Variants in GRM5 observed in about 807,000 individuals in gnomAD.
GRM5 encodes glutamate metabotropic receptor 5.
GRM5 carries 19 observed loss-of-function variants against 83.1 expected under a neutral mutation model. The observed-to-expected ratio is 0.23, with a 90% CI of 0.16 to 0.34. The LOEUF is 0.34. Ranked by LOEUF, GRM5 falls within the 10% of genes least tolerant of loss-of-function variation. The pLI is 1.00. For missense variants in GRM5, 1,160 were observed against 1,588.3 expected, an observed-to-expected ratio of 0.73 and a Z score of 4.58; for synonymous variants, 675 against 633.6, an observed-to-expected ratio of 1.07 and a Z score of -0.98.
chr11:88,868,790 A>G (rs561157411), intron 2 of GRM5, among the ~76,000 whole-genome samples: 23 of 151,832 alleles, frequency 1.5e-4, no homozygotes, highest in Admixed American at 7.3e-4. Context: ...CCTTGTCTCT[A>G]TTGCCTATGT....
In GRM5 at chr11:88,567,997, A is replaced by T; in HGVS notation, c.1691-5T>A. 6.3e-7 allele frequency: 1 copy of T among 1,585,814 alleles called. No individual in the cohort carries two copies. The highest frequency in any genetic ancestry group is 1.1e-5 in the South Asian group (1 of 89,770). On this transcript the variant is annotated splice_region_variant and splice_polypyrimidine_tract_variant and intron_variant, in intron 7 of 9. Transcript: ENST00000305447. The surrounding 1 kb of genome is among the most constrained non-coding windows in gnomAD (Gnocchi z 7.3). ...GTACTGGGATCAAGTCACAACCTGC[A>T]GAGACACAAACACATATTGTAAAGG...
At chr11:88,834,357 G>T (rs771987178) in intron 3 of GRM5, among the ~76,000 whole-genome samples, 1 of 152,058 alleles carries the variant, frequency 6.6e-6, no homozygotes, top group African/African-American at 2.4e-5. Context: ...TGTACAAAAA[G>T]GTAAATTGAG....
chr11:88,762,445 G>C (rs925256960), intron 3 of GRM5, among the ~76,000 whole-genome samples: 2 of 151,998 alleles, frequency 1.3e-5, no homozygotes, highest in Admixed American at 1.3e-4. Context: ...CAGTGTCACT[G>C]ATCATTAGAG....
At chr11:88,865,672 A>G (rs624921) in intron 2 of GRM5, among the ~76,000 whole-genome samples, 113,050 of 151,790 alleles carry the variant, frequency 0.74, 42,833 homozygotes, top group East Asian at 0.92. Context: ...CTGACAAAGG[A>G]CTAATATCGA....
chr11:88,568,255 TA>T (rs958383943), intron 7 of GRM5, among the ~76,000 whole-genome samples: 7 of 151,602 alleles, frequency 4.6e-5, no homozygotes, highest in South Asian at 2.1e-4. Context: ...CCTGCTCTCA[TA>T]AAAAAAAATC....
At chr11:88,822,044 G>A (rs1036366007) in intron 3 of GRM5, among the ~76,000 whole-genome samples, 1 of 152,124 alleles carries the variant, frequency 6.6e-6, no homozygotes, top group Non-Finnish European at 1.5e-5. Flanking sequence ...GAGAAGAGAT[G>A]ATTACTTTCC....
At chr11:88,631,540 A>C (rs1180330364) in intron 4 of GRM5, among the ~76,000 whole-genome samples, 1 of 152,184 alleles carries the variant, frequency 6.6e-6, no homozygotes, top group Non-Finnish European at 1.5e-5. Flanking sequence ...TATCCCCATC[A>C]TGACTCTAAA....
chr11:88,637,928 G>T (rs968117622), intron 4 of GRM5, among the ~76,000 whole-genome samples: 60 of 151,208 alleles, frequency 4.0e-4, no homozygotes, highest in African/African-American at 1.4e-3. Context: ...ATGATAGACT[G>T]GATTAAGAAA....
At chr11:88,995,021 A>T (rs2135057046) in intron 2 of GRM5, among the ~76,000 whole-genome samples, 1 of 152,236 alleles carries the variant, frequency 6.6e-6, no homozygotes, top group East Asian at 1.9e-4. Context: ...AGATAAAGAA[A>T]TGAGCAAAAT....
chr11:88,966,096 T>A (rs998452559), intron 2 of GRM5, among the ~76,000 whole-genome samples: 4 of 151,964 alleles, frequency 2.6e-5, no homozygotes, highest in Non-Finnish European at 4.4e-5. Flanking sequence ...TAGAAATATA[T>A]CTGGGAAACC....
intron 3 of GRM5, among the ~76,000 whole-genome samples, chr11:88,687,198 G>GGT (rs1430487366): frequency 6.6e-6 from 1 of 151,848 alleles, no homozygotes; most frequent in African/African-American, 2.4e-5. Context: ...ATTCTGGCCA[G>GGT]GAGCAGCGGC....
chr11:88,638,557 G>C (rs1939204045), intron 4 of GRM5, among the ~76,000 whole-genome samples: 1 of 152,024 alleles, frequency 6.6e-6, no homozygotes. Flanking sequence ...ACATAGAATT[G>C]ATGTCTGTTT....
chr11:88,700,310 C>G (rs1295539527), intron 3 of GRM5, among the ~76,000 whole-genome samples: 8 of 152,050 alleles, frequency 5.3e-5, no homozygotes, highest in Admixed American at 5.2e-4. Flanking sequence ...TATTAGCTAT[C>G]CTCTGTTATC....
intron 2 of GRM5, among the ~76,000 whole-genome samples, chr11:88,851,986 A>G (rs956650857): frequency 3.3e-5 from 5 of 152,188 alleles, no homozygotes; most frequent in Admixed American, 2.6e-4. Context: ...TTATTCTTTC[A>G]TTTATTTTTA....
chr11:88,877,575 G>T (rs1411440745), intron 2 of GRM5, among the ~76,000 whole-genome samples: 2 of 152,014 alleles, frequency 1.3e-5, no homozygotes, highest in African/African-American at 4.8e-5. Flanking sequence ...CACTTTGGGA[G>T]GCCAAAGCAG....
chr11:88,531,472 T>C (rs1298556164), intron 8 of GRM5, among the ~76,000 whole-genome samples: 3 of 152,284 alleles, frequency 2.0e-5, no homozygotes, highest in East Asian at 1.9e-4. Context: ...GAAGATTCCA[T>C]TGATGAATTC....
intron 4 of GRM5, among the ~76,000 whole-genome samples, chr11:88,635,258 A>T (rs1306002948): frequency 1.3e-5 from 2 of 152,176 alleles, no homozygotes; most frequent in Non-Finnish European, 2.9e-5. Context: ...CCTATTTTCC[A>T]TAATGGTTGT....
At chr11:88,774,427 TGAATA>T (rs1942805524) in intron 3 of GRM5, among the ~76,000 whole-genome samples, 1 of 152,204 alleles carries the variant, frequency 6.6e-6, no homozygotes, top group Admixed American at 6.5e-5. Flanking sequence ...ATTTCCTAAT[TGAATA>T]CCCTTTATTT....
chr11:88,625,571 A>G (rs564797047), intron 4 of GRM5, among the ~76,000 whole-genome samples: 44 of 152,228 alleles, frequency 2.9e-4, no homozygotes, highest in Middle Eastern at 3.4e-3. Context: ...TGTGGGCGTG[A>G]ATAGGCCATG....
Sources: allele counts gnomAD v4.1 joint callset (sites outside exome capture counted in the v4.1 genomes callset), GRCh38; gene constraint gnomAD v4.1.1; non-coding constraint Gnocchi (gnomAD v3.1); transcripts MANE v1.5; gene names NCBI Gene and HGNC (gene_info 2026-07-23, HGNC 2026-07-21).